PCDHA12: variants seen among roughly 807,000 people sequenced by gnomAD.
The protein encoded by PCDHA12 is protocadherin alpha-12.
PCDHA12 carries 44 observed loss-of-function variants against 60.0 expected under a neutral mutation model. The ratio of observed to expected loss-of-function variants is 0.73; its 90% confidence interval spans 0.58 to 0.94. PCDHA12 has a LOEUF of 0.94. Among genes scored for constraint, PCDHA12 ranks in the 40% least tolerant of loss-of-function variants. The pLI is 0.00. For missense variants in PCDHA12, 1,276 were observed against 1,239.7 expected (o/e 1.03, Z -0.44); for synonymous variants, 569 against 553.0 (o/e 1.03, Z -0.40).
Position 141,011,146 on chromosome 5 carries a change from C to T in PCDHA12, c.*1209C>T, listed in dbSNP as rs1180133019. On this transcript the variant is annotated 3_prime_UTR_variant, in exon 4 of 4. Transcript: ENST00000398631. ...TATGTGCACTTTGATACACAACCTT[C>T]TCTAACCAACTATATATCAAGACCC... The T allele has an allele frequency of 6.5e-6, 1 of 153,746 alleles. No individual in the cohort carries two copies. The highest frequency in any genetic ancestry group is 2.1e-4 in the South Asian group (1 of 4,824). The allele number at this position is 153,746 out of a possible 1,614,324, so 9.5% of individuals were successfully genotyped here.
intron 1 of PCDHA12, among the ~76,000 whole-genome samples, chr5:140,890,396 A>C (rs1466548320): frequency 1.3e-5 from 2 of 152,134 alleles, no homozygotes; most frequent in African/African-American, 4.8e-5. Context: ...ATAATCTATA[A>C]ATTTTAACTT....
At chr5:140,892,678 A>G (rs1381127232) in intron 1 of PCDHA12, among the ~76,000 whole-genome samples, 2 of 152,216 alleles carry the variant, frequency 1.3e-5, no homozygotes, top group Middle Eastern at 3.2e-3. Context: ...ACATATATAC[A>G]ATGTATAATA....
Position 141,003,329 on chromosome 5 carries a change from T to C in PCDHA12, c.2516-6298T>C, listed in dbSNP as rs571160293. On this transcript the variant is annotated intron_variant, in intron 3 of 3. Transcript: ENST00000398631. ...GGCCAGCTACTTCCAGAGGGCAGGG[T>C]TTTTTGTTTGTTTGCTCTGTCACCC... Among the ~76,000 whole-genome samples the C allele has an allele frequency of 7.2e-5, 11 of 152,118 alleles. No homozygotes were observed. The South Asian group carries it at 2.3e-3, about 32-fold the overall frequency.
chr5:141,006,383 T>C (rs1431976303), intron 3 of PCDHA12, among the ~76,000 whole-genome samples: 1 of 151,992 alleles, frequency 6.6e-6, no homozygotes, highest in African/African-American at 2.4e-5. Context: ...GGCTAAGTTT[T>C]TTCTATTTTT....
intron 1 of PCDHA12, among the ~76,000 whole-genome samples, chr5:140,901,883 C>G (rs1206318073): frequency 5.3e-5 from 8 of 152,038 alleles, no homozygotes; most frequent in Non-Finnish European, 1.0e-4. Flanking sequence ...CTTTCATCAG[C>G]ATTTTATATT....
intron 1 of PCDHA12, among the ~76,000 whole-genome samples, chr5:140,885,515 A>G (rs537252415): frequency 6.6e-6 from 1 of 152,294 alleles, no homozygotes; most frequent in South Asian, 2.1e-4. Context: ...ATGCTGTGCT[A>G]TCATTTCATA....
chr5:140,982,765 C>T (rs1345701735), intron 3 of PCDHA12, among the ~76,000 whole-genome samples: 2 of 151,722 alleles, frequency 1.3e-5, no homozygotes, highest in African/African-American at 2.4e-5. Flanking sequence ...AAAAGGATAA[C>T]AAGGAAAGTG....
chr5:140,876,334 A>T lies in PCDHA12; in HGVS notation c.862A>T (p.Ser288Cys), dbSNP rs782377581. Residue 288 changes from serine (S) to cysteine (C), a missense_variant, in exon 1 of 4, where the codon AGT becomes TGT. Physicochemically the swap from Ser to Cys is moderately radical, Grantham distance 112. Transcript: ENST00000398631. Reference sequence around the variant, plus strand: ...TGGGATCAAAATGATTTTGCCAGTGAGTGAGAAATGTATGTTTTCAATAAA... The same window carrying T: ...TGGGATCAAAATGATTTTGCCAGTGTGTGAGAAATGTATGTTTTCAATAAA... Reference protein sequence around the residue: ...SYGIKMILPVSEKCMFSINPD... With the variant: ...SYGIKMILPVCEKCMFSINPD... 3 of 1,614,030 alleles carry T rather than the reference A, an allele frequency of 1.9e-6. No individual in the cohort carries two copies. Among genetic ancestry groups the T allele is most frequent in the Admixed American group, 1.7e-5 (1 of 60,030 alleles).
At chr5:140,914,596 C>G (rs1454753124) in intron 1 of PCDHA12, among the ~76,000 whole-genome samples, 1 of 152,128 alleles carries the variant, frequency 6.6e-6, no homozygotes, top group Non-Finnish European at 1.5e-5. Context: ...TAAGTAGGAA[C>G]TTCCTCCTGC....
At chr5:140,897,340 C>G (rs1326802877) in intron 1 of PCDHA12, among the ~76,000 whole-genome samples, 1 of 122,842 alleles carries the variant, frequency 8.1e-6, no homozygotes, top group African/African-American at 3.1e-5. Flanking sequence ...CCCCTCCCCC[C>G]ACCCCACAAC....
chr5:140,974,440 C>T (rs782138345), intron 1 of PCDHA12, among the ~76,000 whole-genome samples: 7 of 152,182 alleles, frequency 4.6e-5, no homozygotes, highest in Admixed American at 1.3e-4. Context: ...TGTAAATTAG[C>T]ATTTTAAATG....
intron 1 of PCDHA12, among the ~76,000 whole-genome samples, chr5:140,948,075 T>C (rs1554218432): frequency 1.3e-5 from 2 of 151,684 alleles, no homozygotes; most frequent in Non-Finnish European, 3.0e-5. Flanking sequence ...AATTTTCTTT[T>C]AATCTATTGA....
At chr5:140,973,007 G>T (rs2096567856) in intron 1 of PCDHA12, among the ~76,000 whole-genome samples, 1 of 152,160 alleles carries the variant, frequency 6.6e-6, no homozygotes, top group Non-Finnish European at 1.5e-5. Context: ...TGTGGTCGTG[G>T]TGTTGTGATT....
At chr5:140,960,476 A>G (rs900807612) in intron 1 of PCDHA12, among the ~76,000 whole-genome samples, 3 of 152,178 alleles carry the variant, frequency 2.0e-5, no homozygotes, top group South Asian at 2.1e-4. Context: ...TCCTTCTTAC[A>G]CAGAGGTGTA....
Position 140,965,675 on chromosome 5 carries a change from A to C in PCDHA12, c.2368-13274A>C, listed in dbSNP as rs1049081993. 1.3e-4 allele frequency among the ~76,000 whole-genome samples: 20 copies of C among 152,350 alleles called. No homozygotes were observed. The Middle Eastern group carries it at 0.01, about 78-fold the overall frequency. ...AAATGTCTTGGGTGATAAATGTAAA[A>C]GATTTGAAGCAAGATTAGAAAAAGC... On this transcript the variant is annotated intron_variant, in intron 1 of 3. Transcript: ENST00000398631.
At chr5:141,006,192 G>A (rs2098259902) in intron 3 of PCDHA12, among the ~76,000 whole-genome samples, 1 of 150,138 alleles carries the variant, frequency 6.7e-6, no homozygotes, top group African/African-American at 2.5e-5. Context: ...TTTGCTATAT[G>A]TATGTTATGC....
intron 3 of PCDHA12, among the ~76,000 whole-genome samples, chr5:141,004,046 C>A (rs79317939): frequency 0.03 from 4,581 of 152,294 alleles, 86 homozygotes; most frequent in Non-Finnish European, 0.047. Flanking sequence ...TGATCATTTG[C>A]TGATACTGGC....
chr5:140,925,499 T>C (rs2082524680), intron 1 of PCDHA12, among the ~76,000 whole-genome samples: 1 of 152,018 alleles, frequency 6.6e-6, no homozygotes, highest in African/African-American at 2.4e-5. Flanking sequence ...ACTGTCCCAA[T>C]ATCCACGCAA....
At chr5:140,955,096 T>G (rs1366148224) in intron 1 of PCDHA12, among the ~76,000 whole-genome samples, 1 of 152,178 alleles carries the variant, frequency 6.6e-6, no homozygotes, top group Non-Finnish European at 1.5e-5. Flanking sequence ...GTGTGTGGTG[T>G]TATTTCTGAG....
Sources: gnomAD v4.1 joint callset for allele counts (sites outside exome capture counted in the v4.1 genomes callset) on GRCh38, gnomAD v4.1.1 for gene constraint, MANE v1.5 for transcripts, NCBI Gene and HGNC (gene_info 2026-07-23, HGNC 2026-07-21) for gene names.